The following KANK1 variants were observed in gnomAD, a reference collection of about 807,000 sequenced individuals.
KANK1 encodes KN motif and ankyrin repeat domains 1.
KANK1 carries 109 observed loss-of-function variants against 106.2 expected under a neutral mutation model. That is an observed-to-expected ratio of 1.03 (90% CI 0.88 to 1.20). The LOEUF is 1.20. Ranked by LOEUF, KANK1 falls within the 50% of genes most tolerant of loss-of-function variation. The pLI is 0.00. For missense variants in KANK1, 2,399 were observed against 1,710.7 expected (o/e 1.40, Z -7.10); for synonymous variants, 873 against 652.2 (o/e 1.34, Z -5.16).
Position 712,253 on chromosome 9 carries a change from G to C in KANK1, c.1487G>C (p.Gly496Ala). The change falls in exon 3 of 12, where the codon GGA (glycine) becomes GCA (alanine). Residue 496 changes from glycine (G) to alanine (A), a missense_variant. Gly to Ala is a moderately conservative substitution (Grantham distance 60). Coordinates refer to ENST00000382297, the MANE Select transcript of KANK1 (RefSeq NM_015158.5). The part of the protein sequence containing the change: ...TKLKQELQAA[G>A]SRKKVDKATM... Reference sequence around the variant, plus strand: ...CTGAAACAAGAGCTGCAGGCTGCTGGATCGAGGAAAAAGGTTGACAAAGCC... The same window carrying C: ...CTGAAACAAGAGCTGCAGGCTGCTGCATCGAGGAAAAAGGTTGACAAAGCC... 6.2e-7 allele frequency: 1 copy of C among 1,613,966 alleles called. No homozygotes were observed. The highest frequency in any genetic ancestry group is 2.2e-5 in the East Asian group (1 of 44,882).
At chr9:695,006 C>G (rs1353741726) in intron 2 of KANK1, among the ~76,000 whole-genome samples, 1 of 152,212 alleles carries the variant, frequency 6.6e-6, no homozygotes, top group Non-Finnish European at 1.5e-5. Flanking sequence ...CTTTGGAAAT[C>G]AGAGTTCCAC....
intron 1 of KANK1, among the ~76,000 whole-genome samples, chr9:583,545 G>C (rs1372058745): frequency 6.6e-6 from 1 of 151,966 alleles, no homozygotes; most frequent in Non-Finnish European, 1.5e-5. Context: ...ATCCTTCTAT[G>C]AAGGATCCCT....
chr9:709,099 A>G (rs1213558851), intron 2 of KANK1, among the ~76,000 whole-genome samples: 1 of 152,174 alleles, frequency 6.6e-6, no homozygotes, highest in Non-Finnish European at 1.5e-5. Flanking sequence ...TGAACTCATG[A>G]CAATACAAAA....
intron 1 of KANK1, among the ~76,000 whole-genome samples, chr9:638,463 ATTGT>A (rs1396494232): frequency 6.6e-6 from 1 of 152,122 alleles, no homozygotes; most frequent in African/African-American, 2.4e-5. Flanking sequence ...TGTCAGAGAG[ATTGT>A]TTGTTTCAGG....
rs1486693319 is a variant in KANK1, at chr9:713,410, A to C, written c.2644A>C (p.Thr882Pro). ...SINSVMKSAS[T>P]EELRNPDFQK... ...CAACTCTGTCATGAAATCTGCAAGC[A>C]CTGAAGAGCTGAGGAACCCTGACTT... The change falls in exon 3 of 12, where the codon ACT (threonine) becomes CCT (proline). Residue 882 changes from threonine (T) to proline (P), a missense_variant. Physicochemically the swap from Thr to Pro is conservative, Grantham distance 38 (BLOSUM62 -1). Coordinates refer to ENST00000382297, the MANE Select transcript of KANK1 (RefSeq NM_015158.5). 2 of 1,612,346 alleles carry C rather than the reference A, an allele frequency of 1.2e-6. No individual in the cohort carries two copies. Among genetic ancestry groups the C allele is most frequent in the Non-Finnish European group, 1.7e-6 (2 of 1,179,372 alleles).
intron 1 of KANK1, among the ~76,000 whole-genome samples, chr9:608,643 A>G (rs1297283295): frequency 6.7e-6 from 1 of 149,162 alleles, no homozygotes; most frequent in Non-Finnish European, 1.5e-5. Context: ...CGACTGACTG[A>G]TTTGGTCAGT....
chr9:643,107 A>T (rs1474364511), intron 1 of KANK1, among the ~76,000 whole-genome samples: 1 of 150,810 alleles, frequency 6.6e-6, no homozygotes, highest in East Asian at 1.9e-4. Flanking sequence ...ATTTGGAAAG[A>T]TCTTATTCTT....
chr9:721,937 G>C (rs1829446618), intron 3 of KANK1, among the ~76,000 whole-genome samples: 1 of 152,252 alleles, frequency 6.6e-6, no homozygotes, highest in African/African-American at 2.4e-5. Context: ...AATTAGAGCT[G>C]TCATTAGCCT....
intron 5 of KANK1, 80 bp from the exon 6 acceptor site, chr9:732,298 C>A: frequency 1.3e-6 from 2 of 1,504,062 alleles, no homozygotes; most frequent in Non-Finnish European, 1.8e-6. Context: ...AGTCAATTAG[C>A]AAATCCCTTC....
At chr9:744,044 C>G (rs1458833305) in intron 10 of KANK1, among the ~76,000 whole-genome samples, 2 of 152,208 alleles carry the variant, frequency 1.3e-5, no homozygotes, top group African/African-American at 2.4e-5. Flanking sequence ...CGTGCTTACA[C>G]ACAGATGTTA....
rs1836928159 is a variant in KANK1, at chr9:745,388, G to A, written c.*153G>A. 2 of 888,956 alleles carry A rather than the reference G, an allele frequency of 2.2e-6. No homozygotes were observed. The highest frequency in any genetic ancestry group is 3.1e-5 in the South Asian group (2 of 64,266). The allele number at this position is 888,956 out of a possible 1,614,324, so 55.1% of individuals were successfully genotyped here. A position where few individuals can be genotyped will look rare whatever the true frequency, so the allele number is the denominator to read the frequency against. On this transcript the variant is annotated 3_prime_UTR_variant, in exon 12 of 12. Transcript: ENST00000382297. ...GGGTAAAGGCTGAAGCTTTCACAGT[G>A]CAGAGACTGCTAGCCTGGGCACACA... is the stretch of plus-strand genomic sequence containing the variant.
chr9:673,083 C>G (rs1815561939), intron 1 of KANK1, among the ~76,000 whole-genome samples: 1 of 152,014 alleles, frequency 6.6e-6, no homozygotes. Context: ...AGAATGAGCA[C>G]TCACAATTTG....
rs774462174 is a variant in KANK1, at chr9:710,854, C to A, written c.88C>A (p.Pro30Thr). 1.2e-6 allele frequency: 2 copies of A among 1,612,866 alleles called. No individual in the cohort carries two copies. The highest frequency in any genetic ancestry group is 1.7e-5 in the Admixed American group (1 of 59,850). ...AGACCAGGACAAGGAACAGAAAGAC[C>A]CTTACTTTGTGGAGACCCCCTATGG... Reference protein sequence around the residue: ...SGDQDKEQKDPYFVETPYGYQ... With the variant: ...SGDQDKEQKDTYFVETPYGYQ... The change falls in exon 3 of 12, where the codon CCT (proline) becomes ACT (threonine). Residue 30 changes from proline (P) to threonine (T), a missense_variant. Pro to Thr is a conservative substitution (Grantham distance 38). Transcript: ENST00000382297.
intron 1 of KANK1, among the ~76,000 whole-genome samples, chr9:603,628 A>G (rs1230479181): frequency 2.0e-5 from 3 of 151,698 alleles, no homozygotes; most frequent in Admixed American, 2.0e-4. Flanking sequence ...AGATTCTATC[A>G]TTAATTAATA....
At chr9:595,167 T>C (rs1292066207) in intron 1 of KANK1, among the ~76,000 whole-genome samples, 1 of 151,650 alleles carries the variant, frequency 6.6e-6, no homozygotes, top group Non-Finnish European at 1.5e-5. Context: ...TAGTCCCAGC[T>C]ACTCAGGAAG....
At position 651,917 on chromosome 9, in the gene KANK1, A is replaced by G. The variant is rs183986740; in HGVS notation, c.-83-24973A>G. Among the ~76,000 whole-genome samples the G allele has an allele frequency of 4.1e-3, 629 of 152,342 alleles. 1 individual carries two copies. Among genetic ancestry groups the G allele is most frequent in the African/African-American group, 0.014 (592 of 41,554 alleles). On this transcript the variant is annotated intron_variant, in intron 1 of 11. Coordinates refer to ENST00000382297, the MANE Select transcript of KANK1 (RefSeq NM_015158.5). ...GATAAAAAACTAAAGTTGCTATATT[A>G]AAATTAATAGTATACTGGGATTTTT...
At chr9:674,999 C>A (rs922149500) in intron 1 of KANK1, among the ~76,000 whole-genome samples, 1 of 146,868 alleles carries the variant, frequency 6.8e-6, no homozygotes, top group Non-Finnish European at 1.5e-5. Flanking sequence ...GCCACCGCAC[C>A]TGGCCTAAAT....
chr9:583,408 CT>C (rs1418739677), intron 1 of KANK1, among the ~76,000 whole-genome samples: 1 of 152,102 alleles, frequency 6.6e-6, no homozygotes, highest in Non-Finnish European at 1.5e-5. Context: ...ATTACTTCCA[CT>C]CATGACTTTA....
intron 1 of KANK1, among the ~76,000 whole-genome samples, chr9:523,888 T>C (rs1458908902): frequency 2.0e-5 from 3 of 151,756 alleles, no homozygotes; most frequent in African/African-American, 4.9e-5. Flanking sequence ...ATTGTTTATT[T>C]TCAGCATATC....
Sources: allele counts gnomAD v4.1 joint callset (sites outside exome capture counted in the v4.1 genomes callset), GRCh38; gene constraint gnomAD v4.1.1; transcripts MANE v1.5; gene names NCBI Gene and HGNC (gene_info 2026-07-23, HGNC 2026-07-21).